The following PCDH15 variants were observed in gnomAD, a reference collection of about 807,000 sequenced individuals.
PCDH15 encodes the protein protocadherin related 15, also known as protocadherin-15.
In PCDH15, 129 loss-of-function variants were observed where a neutral mutation model predicts 178.5. That is an observed-to-expected ratio of 0.72 (90% CI 0.63 to 0.84). The LOEUF is 0.84. Among genes scored for constraint, PCDH15 ranks in the 40% least tolerant of loss-of-function variants. The probability of loss-of-function intolerance (pLI) is 0.00; values close to 1 mark genes in which losing one functional copy is unlikely to be tolerated. For synonymous variants in PCDH15, 800 were observed against 732.0 expected (o/e 1.09, Z -1.50); for missense variants, 2,230 against 2,099.9 (o/e 1.06, Z -1.21).
intron 15 of PCDH15, among the ~76,000 whole-genome samples, chr10:54,126,368 CCTG>C (rs1210078969): frequency 6.6e-6 from 1 of 152,008 alleles, no homozygotes; most frequent in African/African-American, 2.4e-5. Flanking sequence ...TTGCAATTTA[CCTG>C]CTATCTCATT....
chr10:53,880,219 C>G (rs2080604186), intron 26 of PCDH15, among the ~76,000 whole-genome samples: 1 of 152,078 alleles, frequency 6.6e-6, no homozygotes, highest in African/African-American at 2.4e-5. Flanking sequence ...TAATAAACAT[C>G]TATTTTAAAA....
At chr10:54,398,200 G>A (rs1398642184) in intron 3 of PCDH15, among the ~76,000 whole-genome samples, 1 of 151,090 alleles carries the variant, frequency 6.6e-6, no homozygotes, top group South Asian at 2.1e-4. Context: ...TAATTTTAAT[G>A]TATTCCTAAA....
At position 54,342,628 on chromosome 10, in the gene PCDH15, C is replaced by T. The variant is rs186025387; in HGVS notation, c.594+3737G>A. Among the ~76,000 whole-genome samples, 832 of 151,896 alleles carry T rather than the reference C, an allele frequency of 5.5e-3. 12 individuals are homozygous for T. Among genetic ancestry groups the T allele is most frequent in the African/African-American group, 0.019 (786 of 41,340 alleles). The stretch of plus-strand genomic sequence containing the variant: ...AGCTGTGAAAAGAGTCCCACTGTCT[C>T]CTCCAGATCCTAGAATGATAGATCC... On this transcript the variant is annotated intron_variant, in intron 6 of 37. Transcript: ENST00000644397.
chr10:54,565,126 T>C lies in PCDH15; in HGVS notation c.92-37249A>G, dbSNP rs1020955769. On this transcript the variant is annotated intron_variant, in intron 2 of 37. Transcript: ENST00000644397. ...TTCACTTGGATTCTAATCACATCTT[T>C]AGAATTGAAATTTGGCTTCCAACTT... Among the ~76,000 whole-genome samples the C allele has an allele frequency of 2.6e-5, 4 of 152,204 alleles. No individual in the cohort carries two copies. In the South Asian group the frequency reaches 8.3e-4, roughly 31 times the overall value.
At position 55,300,166 on chromosome 10, in the gene PCDH15, C is replaced by T. The variant is rs539755381; in HGVS notation, c.-156+19433G>A. 2.2e-4 allele frequency among the ~76,000 whole-genome samples: 34 copies of T among 152,214 alleles called. No individual in the cohort carries two copies. The East Asian group carries it at 6.4e-3, about 29-fold the overall frequency. Reference sequence around the variant, plus strand: ...TTATCCAGAGTTTACCCTACATTAGCCTCTGAAATATTTTATTGTTCTCCA... The same window carrying T: ...TTATCCAGAGTTTACCCTACATTAGTCTCTGAAATATTTTATTGTTCTCCA... On this transcript the variant is annotated intron_variant, in intron 1 of 5. Transcript: ENST00000458638.
intron 10 of PCDH15, among the ~76,000 whole-genome samples, chr10:54,208,653 C>G (rs1023119976): frequency 1.3e-5 from 2 of 151,940 alleles, no homozygotes; most frequent in African/African-American, 4.8e-5. Flanking sequence ...AAATATATTT[C>G]TGTTGTTTAT....
chr10:54,385,885 C>T (rs946399277), intron 3 of PCDH15, among the ~76,000 whole-genome samples: 5 of 152,130 alleles, frequency 3.3e-5, no homozygotes, highest in Non-Finnish European at 7.4e-5. Context: ...TGACGAAGTA[C>T]TTTACTTTCA....
chr10:55,442,780 A>G (rs1401028751), intron 2 of PCDH15, among the ~76,000 whole-genome samples: 1 of 151,792 alleles, frequency 6.6e-6, no homozygotes, highest in East Asian at 1.9e-4. Context: ...ACTTTTACCT[A>G]TGTTACCCAT....
chr10:54,135,603 C>A (rs1353616051), intron 14 of PCDH15, among the ~76,000 whole-genome samples: 2 of 152,156 alleles, frequency 1.3e-5, no homozygotes, highest in South Asian at 2.1e-4. Flanking sequence ...CCTGATATTA[C>A]CCTTGAAGAT....
At chr10:53,853,023 T>A (rs1040080042) in intron 28 of PCDH15, among the ~76,000 whole-genome samples, 6 of 152,102 alleles carry the variant, frequency 3.9e-5, no homozygotes, top group Non-Finnish European at 8.8e-5. Flanking sequence ...TTCACAGTGC[T>A]GACTCAGGTC....
intron 2 of PCDH15, among the ~76,000 whole-genome samples, chr10:54,991,147 T>A (rs909866283): frequency 5.3e-5 from 8 of 152,164 alleles, no homozygotes; most frequent in African/African-American, 4.8e-5. Context: ...ATGCTCAGCA[T>A]GGATACTTAT....
chr10:53,915,836 T>G (rs1589403371), intron 25 of PCDH15, among the ~76,000 whole-genome samples: 1 of 152,260 alleles, frequency 6.6e-6, no homozygotes, highest in South Asian at 2.1e-4. Context: ...GGATTACAGG[T>G]GTGAGCCACT....
At chr10:53,936,740 A>G (rs1334959201) in intron 25 of PCDH15, among the ~76,000 whole-genome samples, 2 of 152,116 alleles carry the variant, frequency 1.3e-5, no homozygotes, top group Non-Finnish European at 2.9e-5. Context: ...ATTTTTGGTA[A>G]AGAAGTCACA....
At chr10:54,297,022 G>A (rs1043918067) in intron 8 of PCDH15, among the ~76,000 whole-genome samples, 1 of 152,124 alleles carries the variant, frequency 6.6e-6, no homozygotes, top group African/African-American at 2.4e-5. Flanking sequence ...TGTTTCTGCT[G>A]CTGTGTTGGT....
At chr10:54,586,558 A>G (rs1397609117) in intron 2 of PCDH15, among the ~76,000 whole-genome samples, 1 of 152,192 alleles carries the variant, frequency 6.6e-6, no homozygotes, top group Non-Finnish European at 1.5e-5. Flanking sequence ...GCTTAGAAAA[A>G]TTATATTGCT....
At chr10:54,358,838 A>T (rs1235506718) in intron 5 of PCDH15, among the ~76,000 whole-genome samples, 1 of 151,986 alleles carries the variant, frequency 6.6e-6, no homozygotes, top group Non-Finnish European at 1.5e-5. Flanking sequence ...GCCATAAAAA[A>T]TGATGAGTTC....
intron 3 of PCDH15, among the ~76,000 whole-genome samples, chr10:54,498,562 AC>A: frequency 6.6e-6 from 1 of 152,298 alleles, no homozygotes; most frequent in Non-Finnish European, 1.5e-5. Flanking sequence ...ATGCAATGAA[AC>A]CCATAGGCTC....
intron 3 of PCDH15, among the ~76,000 whole-genome samples, chr10:54,398,380 T>G (rs1332654654): frequency 3.9e-5 from 6 of 151,958 alleles, no homozygotes; most frequent in Non-Finnish European, 7.4e-5. Context: ...ATAAACTTTA[T>G]AGATCAAAAA....
intron 2 of PCDH15, among the ~76,000 whole-genome samples, chr10:54,933,616 C>A (rs1269836556): frequency 1.3e-5 from 2 of 152,032 alleles, no homozygotes; most frequent in Admixed American, 6.6e-5. Flanking sequence ...TGAGATTTAA[C>A]AAATCCACTT....
Sources: allele counts gnomAD v4.1 joint callset (sites outside exome capture counted in the v4.1 genomes callset), GRCh38; gene constraint gnomAD v4.1.1; transcripts MANE v1.5; gene names NCBI Gene and HGNC (gene_info 2026-07-23, HGNC 2026-07-21).